Variants in TMEM178B observed in about 807,000 individuals in gnomAD.
TMEM178B encodes transmembrane protein 178B.
A neutral mutation model predicts 31.0 loss-of-function variants in TMEM178B; 5 were observed. The observed-to-expected ratio is 0.16, with a 90% CI of 0.08 to 0.34. The LOEUF (loss-of-function observed/expected upper bound fraction) is 0.34, where lower values mean the gene tolerates loss of function less well. Among genes scored for constraint, TMEM178B ranks in the 10% least tolerant of loss-of-function variants. The pLI is 1.00. For synonymous variants in TMEM178B, 164 were observed against 164.0 expected (o/e 1.00, Z 0.00); for missense variants, 275 against 400.3 (o/e 0.69, Z 2.67).
chr7:141,117,767 A>C (rs1795342857), intron 1 of TMEM178B, among the ~76,000 whole-genome samples: 1 of 152,148 alleles, frequency 6.6e-6, no homozygotes, highest in African/African-American at 2.4e-5. Context: ...TAAATAGGGA[A>C]TCCTTTCTCC....
intron 2 of TMEM178B, among the ~76,000 whole-genome samples, chr7:141,436,423 G>A (rs1801541435): frequency 1.3e-5 from 2 of 152,174 alleles, no homozygotes; most frequent in Non-Finnish European, 2.9e-5. Context: ...ACAGACCCTG[G>A]GGCAGAGGCA....
chr7:141,300,168 A>G (rs887248825), intron 2 of TMEM178B, among the ~76,000 whole-genome samples: 1 of 152,198 alleles, frequency 6.6e-6, no homozygotes, highest in Non-Finnish European at 1.5e-5. Context: ...TGGAGCCATC[A>G]GGAGGAGCCA....
At chr7:141,326,641 C>A (rs563383317) in intron 2 of TMEM178B, among the ~76,000 whole-genome samples, 1 of 152,170 alleles carries the variant, frequency 6.6e-6, no homozygotes, top group South Asian at 2.1e-4. Flanking sequence ...TGGAACACAA[C>A]GATGCCCCTT....
intron 2 of TMEM178B, among the ~76,000 whole-genome samples, chr7:141,363,449 G>A (rs1279593887): frequency 5.3e-5 from 8 of 152,154 alleles, no homozygotes; most frequent in Admixed American, 5.2e-4. Context: ...TGGAGTTGAC[G>A]GAAGTATTTT....
At chr7:141,075,987 T>C (rs761492888) in intron 1 of TMEM178B, among the ~76,000 whole-genome samples, 3 of 152,156 alleles carry the variant, frequency 2.0e-5, no homozygotes, top group Non-Finnish European at 4.4e-5. Flanking sequence ...CAGATTTAGG[T>C]GAGGTGGCTT....
intron 1 of TMEM178B, among the ~76,000 whole-genome samples, chr7:141,170,393 T>C (rs954676213): frequency 6.6e-6 from 1 of 152,210 alleles, no homozygotes; most frequent in African/African-American, 2.4e-5. Context: ...CTTGTTTCTT[T>C]CACTGCGGCT....
intron 1 of TMEM178B, among the ~76,000 whole-genome samples, chr7:141,141,728 A>G (rs1473141743): frequency 1.3e-5 from 2 of 152,154 alleles, no homozygotes; most frequent in Non-Finnish European, 1.5e-5. Context: ...TCAACACCTG[A>G]TGAATTAATG....
intron 2 of TMEM178B, among the ~76,000 whole-genome samples, chr7:141,222,288 C>T (rs1387131527): frequency 3.9e-5 from 6 of 152,108 alleles, no homozygotes; most frequent in Non-Finnish European, 1.5e-5. Context: ...TAATATCTAG[C>T]CTCCAAATCT....
At chr7:141,355,418 C>T (rs2061498462) in intron 2 of TMEM178B, among the ~76,000 whole-genome samples, 1 of 152,096 alleles carries the variant, frequency 6.6e-6, no homozygotes, top group South Asian at 2.1e-4. Flanking sequence ...ATGCACCTGC[C>T]ATGAATTGAG....
intron 2 of TMEM178B, among the ~76,000 whole-genome samples, chr7:141,225,780 GC>G (rs766288810): frequency 3.9e-5 from 6 of 152,090 alleles, no homozygotes; most frequent in Non-Finnish European, 7.4e-5. Flanking sequence ...GTCCCTTGTA[GC>G]CAGCCCCTGA....
chr7:141,384,924 C>T (rs1483540241), intron 2 of TMEM178B, among the ~76,000 whole-genome samples: 2 of 152,018 alleles, frequency 1.3e-5, no homozygotes, highest in Non-Finnish European at 2.9e-5. Context: ...GTGTGGAAAT[C>T]CATAATGCAT....
intron 2 of TMEM178B, among the ~76,000 whole-genome samples, chr7:141,357,262 G>A (rs1198470775): frequency 6.6e-6 from 1 of 152,120 alleles, no homozygotes; most frequent in African/African-American, 2.4e-5. Context: ...CATATTTCCA[G>A]TTAGTACCAC....
rs1802052571 is a variant in TMEM178B, at chr7:141,461,143, T to G, written c.635-9393T>G. Among the ~76,000 whole-genome samples, 1 of 152,108 alleles carries G rather than the reference T, an allele frequency of 6.6e-6. No individual in the cohort carries two copies. Among genetic ancestry groups the G allele is most frequent in the Non-Finnish European group, 1.5e-5 (1 of 68,018 alleles). ...AGGCCCTCTCCTTCTGTTTGCTGAT[T>G]TGGTTCTTGTTGGTTTTAAAGATTG... On this transcript the variant is annotated intron_variant, in intron 3 of 3. Coordinates refer to ENST00000565468, the MANE Select transcript of TMEM178B (RefSeq NM_001195278.2). The surrounding 1 kb of genome is among the most constrained non-coding windows in gnomAD (Gnocchi z 4.0).
intron 2 of TMEM178B, among the ~76,000 whole-genome samples, chr7:141,315,388 G>A (rs1375906571): frequency 6.6e-6 from 1 of 152,152 alleles, no homozygotes; most frequent in Non-Finnish European, 1.5e-5. Flanking sequence ...CAGTCAAGTT[G>A]AGTGACACTG....
At chr7:141,271,483 A>G (rs1042082761) in intron 2 of TMEM178B, among the ~76,000 whole-genome samples, 8 of 152,172 alleles carry the variant, frequency 5.3e-5, no homozygotes, top group Non-Finnish European at 1.0e-4. Flanking sequence ...CATGCTCATC[A>G]TGAGATGGGC....
In TMEM178B at chr7:141,171,198, A is replaced by G. The variant is rs1796344676; in HGVS notation, c.383-41393A>G. On this transcript the variant is annotated intron_variant, in intron 1 of 3. Coordinates refer to ENST00000565468, the MANE Select transcript of TMEM178B (RefSeq NM_001195278.2). The surrounding 1 kb of genome is among the most constrained non-coding windows in gnomAD (Gnocchi z 4.3). ...TTGGGTGCAGTGGCTCATGCATGTA[A>G]TTCCAGCACTTTGGGAGGCTGAGGA... Among the ~76,000 whole-genome samples the G allele has an allele frequency of 6.6e-6, 1 of 152,126 alleles. No individual in the cohort carries two copies. Among genetic ancestry groups the G allele is most frequent in the African/African-American group, 2.4e-5 (1 of 41,426 alleles).
At chr7:141,083,046 A>G (rs1794712340) in intron 1 of TMEM178B, among the ~76,000 whole-genome samples, 1 of 152,164 alleles carries the variant, frequency 6.6e-6, no homozygotes, top group Non-Finnish European at 1.5e-5. Flanking sequence ...CTAGGCCTTC[A>G]GGCAGAATGC....
At position 141,113,340 on chromosome 7, in the gene TMEM178B, G is replaced by C. The variant is rs571205093; in HGVS notation, c.382+38648G>C. 7.8e-4 allele frequency among the ~76,000 whole-genome samples: 119 copies of C among 152,268 alleles called. 2 individuals carry two copies. The highest frequency in any genetic ancestry group is 1.3e-3 in the Non-Finnish European group (91 of 68,014). On this transcript the variant is annotated intron_variant, in intron 1 of 3. Coordinates refer to ENST00000565468, the MANE Select transcript of TMEM178B (RefSeq NM_001195278.2). ...CCATCTGTCCCATCACTGTCCATCT[G>C]TTCCCTGAGATCCTGAGTCTCCACA... is the stretch of plus-strand genomic sequence containing the variant.
chr7:141,074,285 C>T lies in TMEM178B; in HGVS notation c.-26C>T, dbSNP rs1000745274. 6.7e-7 allele frequency: 1 copy of T among 1,498,230 alleles called. No individual in the cohort carries two copies. Among genetic ancestry groups the T allele is most frequent in the Non-Finnish European group, 8.9e-7 (1 of 1,125,958 alleles). 92.8% of individuals were successfully genotyped at this position (1,498,230 alleles called of 1,614,324 possible). The stretch of plus-strand genomic sequence containing the variant: ...AAGGCGAGGCTGCGGCGGATCATGC[C>T]CATGGTGTAGCCGCCAAGCGGAGGC... On this transcript the variant is annotated 5_prime_UTR_variant, in exon 1 of 4. Transcript: ENST00000565468. This position sits in a 1 kb window ranked among gnomAD's most constrained non-coding sequence, Gnocchi z 5.1.
Sources: gnomAD v4.1 joint callset for allele counts (sites outside exome capture counted in the v4.1 genomes callset) on GRCh38, gnomAD v4.1.1 for gene constraint, Gnocchi (gnomAD v3.1) non-coding constraint, MANE v1.5 for transcripts, NCBI Gene and HGNC (gene_info 2026-07-23, HGNC 2026-07-21) for gene names.